STK3: variants seen among roughly 807,000 people sequenced by gnomAD.
The protein encoded by STK3 is serine/threonine-protein kinase 3.
Under a neutral mutation model 58.0 loss-of-function variants are expected in STK3, and 41 were observed. The observed-to-expected ratio is 0.71, with a 90% CI of 0.55 to 0.92. The LOEUF (loss-of-function observed/expected upper bound fraction) is 0.92. STK3 is among the 40% of genes least tolerant of loss of function. STK3 has a pLI of 0.00. For missense variants in STK3, 479 were observed against 602.7 expected, an observed-to-expected ratio of 0.79 and a Z score of 2.15; for synonymous variants, 170 against 191.0, an observed-to-expected ratio of 0.89 and a Z score of 0.91.
At chr8:98,511,357 A>G (rs2131405810) in intron 10 of STK3, among the ~76,000 whole-genome samples, 1 of 152,108 alleles carries the variant, frequency 6.6e-6, no homozygotes, top group South Asian at 2.1e-4. Flanking sequence ...TTGCACACCT[A>G]TAATTTGCAT....
At chr8:98,355,377 C>G in the STK3 span, among the ~76,000 whole-genome samples, 4 of 152,232 alleles carry the variant, frequency 2.6e-5, no homozygotes, top group Non-Finnish European at 5.9e-5. Flanking sequence ...AGCTCTCCAA[C>G]TGACATGCAC....
intron 4 of STK3, among the ~76,000 whole-genome samples, chr8:98,730,477 C>T (rs540714108): frequency 3.3e-5 from 5 of 152,022 alleles, no homozygotes; most frequent in South Asian, 2.1e-4. Context: ...CAGCACTTTG[C>T]GAGGCCGAGG....
chr8:98,356,721 G>A, the STK3 span, among the ~76,000 whole-genome samples: 6 of 152,188 alleles, frequency 3.9e-5, no homozygotes, highest in African/African-American at 9.7e-5. Flanking sequence ...ACAAAAATGC[G>A]CGGCAAATTG....
intron 8 of STK3, among the ~76,000 whole-genome samples, chr8:98,549,328 T>C (rs1251518277): frequency 3.9e-5 from 6 of 152,192 alleles, no homozygotes; most frequent in Non-Finnish European, 8.8e-5. Context: ...TATCACATTG[T>C]AGTTTGATCT....
intron 6 of STK3, among the ~76,000 whole-genome samples, chr8:98,680,971 C>T (rs144412100): frequency 8.0e-5 from 12 of 149,190 alleles, no homozygotes; most frequent in African/African-American, 2.9e-4. Context: ...TAGTTTCTAA[C>T]CCCACCTTTC....
At chr8:98,718,888 G>T (rs1827211585) in intron 4 of STK3, among the ~76,000 whole-genome samples, 1 of 151,820 alleles carries the variant, frequency 6.6e-6, no homozygotes, top group East Asian at 1.9e-4. Flanking sequence ...GTTTCTTTTG[G>T]ACAGTACTGC....
At position 98,372,326 on chromosome 8, in the gene STK3, TC is replaced by T. The variant is rs1817618179; in HGVS notation, n.112-649del. 1.3e-5 allele frequency among the ~76,000 whole-genome samples: 2 copies of T among 152,176 alleles called. 1 individual carries two copies. The highest frequency in any genetic ancestry group is 4.1e-4 in the South Asian group (2 of 4,824). On this transcript the variant is annotated intron_variant and non_coding_transcript_variant, in intron 2 of 2. Transcript: ENST00000518704. The stretch of plus-strand genomic sequence containing the variant: ...ACCCTGGGAAACTAATGCAGAGGGC[TC>T]TTCAGGGCAGCCTCCAAGTTCCAGA...
chr8:98,363,200 G>A, the STK3 span, among the ~76,000 whole-genome samples: 1 of 152,152 alleles, frequency 6.6e-6, no homozygotes, highest in Non-Finnish European at 1.5e-5. Flanking sequence ...CGACTTAGCA[G>A]CATGCATTTT....
chr8:98,849,153 GA>G (rs1379872969), intron 3 of STK3, among the ~76,000 whole-genome samples: 1 of 150,348 alleles, frequency 6.7e-6, no homozygotes, highest in African/African-American at 2.5e-5. Context: ...GTGAACCCAA[GA>G]GGCGGAGCTT....
intron 9 of STK3, among the ~76,000 whole-genome samples, chr8:98,528,488 T>C (rs1215845269): frequency 1.3e-5 from 2 of 152,016 alleles, no homozygotes; most frequent in African/African-American, 4.8e-5. Context: ...CTTTCCTTTT[T>C]CTTTTCTTTT....
intron 6 of STK3, chr8:98,638,439 C>T (rs562207954): frequency 6.6e-6 from 1 of 152,292 alleles, no homozygotes; most frequent in South Asian, 2.1e-4. Flanking sequence ...ATTCTGACTG[C>T]ATGACTGTTA....
At chr8:98,483,241 C>T (rs1821988019) in intron 10 of STK3, among the ~76,000 whole-genome samples, 1 of 151,984 alleles carries the variant, frequency 6.6e-6, no homozygotes, top group South Asian at 2.1e-4. Flanking sequence ...AGAAATGGGG[C>T]CCAATATTAA....
intron 3 of STK3, among the ~76,000 whole-genome samples, chr8:98,833,705 C>T (rs756941270): frequency 3.3e-4 from 50 of 152,134 alleles, no homozygotes; most frequent in Non-Finnish European, 6.6e-4. Context: ...TAACACTGGT[C>T]AGTTGTGCCT....
intron 4 of STK3, 105 bp downstream of exon 4, chr8:98,749,171 C>A (rs1408043121): frequency 2.4e-6 from 2 of 838,534 alleles, no homozygotes; most frequent in Non-Finnish European, 3.7e-6. Context: ...AAAACCTTTT[C>A]TTTTTTCATG....
chr8:98,827,657 T>A (rs990456138), upstream of STK3, among the ~76,000 whole-genome samples: 2 of 152,186 alleles, frequency 1.3e-5, no homozygotes, highest in African/African-American at 4.8e-5. Context: ...AAAAGGGTTT[T>A]TTTTGTTTTG....
chr8:98,546,393 A>G (rs893504142), intron 9 of STK3, among the ~76,000 whole-genome samples: 2 of 152,168 alleles, frequency 1.3e-5, no homozygotes, highest in African/African-American at 4.8e-5. Flanking sequence ...TAACTATTAT[A>G]TATATGCTGA....
At chr8:98,368,621 C>A (rs1817585681), downstream of STK3, among the ~76,000 whole-genome samples, 1 of 152,300 alleles carries the variant, frequency 6.6e-6, no homozygotes, top group Non-Finnish European at 1.5e-5. Flanking sequence ...CAGCTGCAAC[C>A]AAACCTATGT....
chr8:98,558,141 T>C (rs1811742542), intron 8 of STK3, among the ~76,000 whole-genome samples: 1 of 152,146 alleles, frequency 6.6e-6, no homozygotes, highest in Non-Finnish European at 1.5e-5. Context: ...AAGAAACTTA[T>C]AAAATCAAAT....
At position 98,428,166 on chromosome 8, in the gene STK3, G is replaced by A; in HGVS notation, n.483+5961C>T. 6.2e-7 allele frequency: 1 copy of A among 1,614,086 alleles called. No homozygotes were observed. The highest frequency in any genetic ancestry group is 8.5e-7 in the Non-Finnish European group (1 of 1,180,018). ...CATTCTGGAGCTCTGCGATGACTAC[G>A]ACGACGTCCAGCGGGAGTTCTACTT... On this transcript the variant is annotated intron_variant and non_coding_transcript_variant, in intron 3 of 3. Coordinates refer to the STK3 transcript ENST00000517832. The surrounding 1 kb of genome is among the most constrained non-coding windows in gnomAD (Gnocchi z 6.7).
Sources: allele counts gnomAD v4.1 joint callset (sites outside exome capture counted in the v4.1 genomes callset), GRCh38; gene constraint gnomAD v4.1.1; non-coding constraint Gnocchi (gnomAD v3.1); transcripts MANE v1.5; gene names NCBI Gene and HGNC (gene_info 2026-07-23, HGNC 2026-07-21).